LRRC4C: variants seen among roughly 807,000 people sequenced by gnomAD.
LRRC4C encodes leucine-rich repeat-containing protein 4C.
In LRRC4C, 5 loss-of-function variants were observed where a neutral mutation model predicts 33.6. The observed-to-expected ratio is 0.15, with a 90% CI of 0.08 to 0.31. The LOEUF (loss-of-function observed/expected upper bound fraction) is 0.31, where lower values mean the gene tolerates loss of function less well. LRRC4C is among the 10% of genes least tolerant of loss of function. The probability of loss-of-function intolerance (pLI) is 1.00; values close to 1 mark genes in which losing one functional copy is unlikely to be tolerated. For missense variants in LRRC4C, 560 were observed against 796.7 expected (o/e 0.70, Z 3.58); for synonymous variants, 329 against 302.0 (o/e 1.09, Z -0.93).
chr11:40,381,280 T>C (rs1289709840), intron 3 of LRRC4C, among the ~76,000 whole-genome samples: 3 of 149,498 alleles, frequency 2.0e-5, no homozygotes, highest in African/African-American at 7.4e-5. Flanking sequence ...AACGGTGGGG[T>C]CAATCTGAGG....
At position 40,115,099 on chromosome 11, in the gene LRRC4C, C is replaced by T. The variant is rs370082164; in HGVS notation, c.1194G>A (p.Ala398=). 5.9e-5 allele frequency: 96 copies of T among 1,614,138 alleles called. No individual in the cohort carries two copies. The highest frequency in any genetic ancestry group is 1.9e-4 in the South Asian group (17 of 91,082). The change falls in exon 7 of 7, where the codon GCG becomes GCA. Residue 398 remains alanine (A), a synonymous_variant. Transcript: ENST00000528697. This position sits in a 1 kb window ranked among gnomAD's most constrained non-coding sequence, Gnocchi z 6.7. ...TGAGCACAGCTATCCGCACTTTGTACGCCCCATGTGTCATGACTGTTCCAT... is the reference window on the plus strand; with the variant it reads ...TGAGCACAGCTATCCGCACTTTGTATGCCCCATGTGTCATGACTGTTCCAT... ...TPNGTVMTHG[A]YKVRIAVLSD... is the part of the protein sequence containing the mutation.
At chr11:40,577,904 T>C (rs1283600792) in intron 3 of LRRC4C, among the ~76,000 whole-genome samples, 1 of 148,834 alleles carries the variant, frequency 6.7e-6, no homozygotes, top group Non-Finnish European at 1.5e-5. Context: ...GGTGCGATCT[T>C]GGCTCACTGC....
At chr11:40,808,174 T>C (rs1323748696) in intron 2 of LRRC4C, among the ~76,000 whole-genome samples, 1 of 152,094 alleles carries the variant, frequency 6.6e-6, no homozygotes, top group Non-Finnish European at 1.5e-5. Flanking sequence ...GTGTATCCTA[T>C]AGTATATATA....
intron 3 of LRRC4C, among the ~76,000 whole-genome samples, chr11:40,559,576 T>C (rs1350213170): frequency 1.3e-5 from 2 of 152,162 alleles, no homozygotes; most frequent in Non-Finnish European, 2.9e-5. Flanking sequence ...TGCTTTTAGC[T>C]CTTTGAGGAA....
intron 2 of LRRC4C, among the ~76,000 whole-genome samples, chr11:40,825,708 T>C (rs976761086): frequency 6.7e-6 from 1 of 150,264 alleles, no homozygotes; most frequent in Non-Finnish European, 1.5e-5. Flanking sequence ...AACAGGGGAG[T>C]GTTTCTTTTT....
At chr11:41,102,407 T>C (rs2135626519) in intron 1 of LRRC4C, among the ~76,000 whole-genome samples, 1 of 152,216 alleles carries the variant, frequency 6.6e-6, no homozygotes, top group African/African-American at 2.4e-5. Context: ...TTAAGTAGTT[T>C]CCACTGAGGT....
intron 1 of LRRC4C, among the ~76,000 whole-genome samples, chr11:40,995,223 A>G (rs973110527): frequency 1.3e-5 from 2 of 152,140 alleles, no homozygotes; most frequent in African/African-American, 4.8e-5. Context: ...TTTCTAAAAA[A>G]TAAACCATGA....
chr11:41,333,219 T>A (rs1158941086), intron 1 of LRRC4C, among the ~76,000 whole-genome samples: 34 of 152,198 alleles, frequency 2.2e-4, no homozygotes. Flanking sequence ...CAAGGCATAA[T>A]GTCTATTATT....
intron 3 of LRRC4C, among the ~76,000 whole-genome samples, chr11:40,410,905 C>G (rs1950134219): frequency 1.3e-5 from 2 of 152,012 alleles, no homozygotes; most frequent in South Asian, 4.1e-4. Flanking sequence ...TCTTATTATA[C>G]CCATGAGAAA....
chr11:40,667,272 C>CA (rs1371198651), intron 2 of LRRC4C, among the ~76,000 whole-genome samples: 4 of 152,316 alleles, frequency 2.6e-5, no homozygotes, highest in African/African-American at 9.6e-5. Context: ...TGCAGAAACA[C>CA]ATACTCTACA....
intron 6 of LRRC4C, among the ~76,000 whole-genome samples, chr11:40,129,836 G>T (rs1012561199): frequency 1.3e-5 from 2 of 152,110 alleles, no homozygotes; most frequent in Non-Finnish European, 2.9e-5. Context: ...TCCAAACCTT[G>T]TCTTAGCAAC....
At chr11:40,498,511 G>T (rs919522981) in intron 3 of LRRC4C, among the ~76,000 whole-genome samples, 14 of 152,288 alleles carry the variant, frequency 9.2e-5, no homozygotes, top group Middle Eastern at 6.8e-3. Flanking sequence ...GAGAAGAAGA[G>T]TATTTAGGTT....
intron 1 of LRRC4C, among the ~76,000 whole-genome samples, chr11:41,391,046 G>A (rs1036106529): frequency 2.0e-5 from 3 of 150,868 alleles, no homozygotes; most frequent in Non-Finnish European, 4.4e-5. Context: ...AAAGGGTAAA[G>A]GTAAAAAAAA....
chr11:40,257,984 G>A (rs1232230010), intron 4 of LRRC4C, among the ~76,000 whole-genome samples: 4 of 152,136 alleles, frequency 2.6e-5, no homozygotes, highest in African/African-American at 9.7e-5. Context: ...CATCCACAGG[G>A]TATATGCCTC....
chr11:41,111,265 C>T (rs1391946738), intron 1 of LRRC4C, among the ~76,000 whole-genome samples: 2 of 152,062 alleles, frequency 1.3e-5, no homozygotes, highest in Non-Finnish European at 2.9e-5. Flanking sequence ...CTTCTTGATG[C>T]TGCCTCTTTG....
chr11:40,548,553 G>C (rs1957014595), intron 3 of LRRC4C, among the ~76,000 whole-genome samples: 2 of 152,020 alleles, frequency 1.3e-5, no homozygotes, highest in African/African-American at 4.8e-5. Context: ...AGAACTGCCA[G>C]ACAAGAAATT....
chr11:41,315,014 C>T (rs1711873076), intron 1 of LRRC4C, among the ~76,000 whole-genome samples: 1 of 152,078 alleles, frequency 6.6e-6, no homozygotes, highest in African/African-American at 2.4e-5. Context: ...ATGTCATAAC[C>T]TACGAAATAA....
At chr11:40,771,645 A>T (rs1262514039) in intron 2 of LRRC4C, among the ~76,000 whole-genome samples, 1 of 151,936 alleles carries the variant, frequency 6.6e-6, no homozygotes, top group African/African-American at 2.4e-5. Flanking sequence ...CTGCTTAGAA[A>T]TTTTTTCCAC....
Position 41,220,533 on chromosome 11 carries a change from TACAC to T in LRRC4C, c.-496+238894_-496+238897del, listed in dbSNP as rs3067232. On this transcript the variant is annotated intron_variant, in intron 1 of 6. Transcript: ENST00000528697. ...TCCTCCAATATTAAACACACAGACA[TACAC>T]ACACACACACACACACACACACACA... 1.4e-3 allele frequency among the ~76,000 whole-genome samples: 205 copies of T among 144,208 alleles called. 2 individuals are homozygous for T. Among genetic ancestry groups the T allele is most frequent in the African/African-American group, 2.2e-3 (86 of 38,962 alleles). The allele number at this position is 144,208 out of a possible 152,430, so 94.6% of individuals were successfully genotyped here.
Sources: allele counts gnomAD v4.1 joint callset (sites outside exome capture counted in the v4.1 genomes callset), GRCh38; gene constraint gnomAD v4.1.1; non-coding constraint Gnocchi (gnomAD v3.1); transcripts MANE v1.5; gene names NCBI Gene and HGNC (gene_info 2026-07-23, HGNC 2026-07-21).